The following EXD1 variants were observed in gnomAD, a reference collection of about 807,000 sequenced individuals.
EXD1 encodes the protein piRNA biogenesis protein EXD1.
A neutral mutation model predicts 49.1 loss-of-function variants in EXD1; 63 were observed. The observed-to-expected ratio is 1.28, with a 90% CI of 1.05 to 1.58. The LOEUF is 1.58. Among genes scored for constraint, EXD1 ranks in the 40% most tolerant of loss-of-function variants. The pLI, the probability that EXD1 is intolerant of heterozygous loss-of-function variation, is 0.00. For missense variants in EXD1, 748 were observed against 666.0 expected (o/e 1.12, Z -1.36); for synonymous variants, 234 against 239.2 (o/e 0.98, Z 0.20).
Position 41,216,678 on chromosome 15 carries a change from G to A in EXD1, c.378C>T (p.Tyr126=), listed in dbSNP as rs772539206. 1.9e-5 allele frequency: 30 copies of A among 1,612,720 alleles called. No homozygotes were observed. Among genetic ancestry groups the A allele is most frequent in the Non-Finnish European group, 2.5e-5 (29 of 1,179,904 alleles). The change falls in exon 5 of 12, where the codon TAC becomes TAT. Residue 126 remains tyrosine, a synonymous_variant. Coordinates refer to ENST00000458580, the MANE Select transcript of EXD1 (RefSeq NM_001286441.2). ...PATSLLNDLK[Y]SPSEEEEVTY... ...AGCCCCTATATTCACCTGATGGGCT[G>A]TACTTGAGGTCATTCAGCAGAGAGG...
chr15:41,220,844 T>G (rs2047077527), intron 2 of EXD1, among the ~76,000 whole-genome samples: 1 of 152,212 alleles, frequency 6.6e-6, no homozygotes. Context: ...ACAACTTATT[T>G]GTCACATCCA....
chr15:41,223,449 G>A (rs1157988236), intron 2 of EXD1, among the ~76,000 whole-genome samples: 4 of 151,830 alleles, frequency 2.6e-5, no homozygotes, highest in African/African-American at 4.8e-5. Flanking sequence ...GGCTGGGTGT[G>A]GTGGCTCATG....
chr15:41,225,781 G>C (rs1181034140), intron 2 of EXD1, among the ~76,000 whole-genome samples: 2 of 151,812 alleles, frequency 1.3e-5, no homozygotes, highest in Non-Finnish European at 2.9e-5. Flanking sequence ...CCAGCCACTC[G>C]GGAGGCTGAG....
At chr15:41,188,015 C>CAAA (rs11321304) in intron 11 of EXD1, among the ~76,000 whole-genome samples, 2 of 111,658 alleles carry the variant, frequency 1.8e-5, no homozygotes, top group African/African-American at 3.3e-5. Context: ...AACCCCGTCT[C>CAAA]AAAAAAAAAA....
chr15:41,207,206 A>G (rs1293584372), intron 7 of EXD1, among the ~76,000 whole-genome samples: 2 of 149,860 alleles, frequency 1.3e-5, no homozygotes, highest in African/African-American at 4.9e-5. Context: ...GTGCCATTGC[A>G]CTCTAGCCTG....
At chr15:41,199,732 T>TATATAGC (rs1566980628) in intron 7 of EXD1, among the ~76,000 whole-genome samples, 1 of 78,842 alleles carries the variant, frequency 1.3e-5, no homozygotes, top group African/African-American at 5.6e-5. Context: ...TTATATATGA[T>TATATAGC]ATATATGTCA....
chr15:41,199,706 T>C (rs1215124652), intron 7 of EXD1, among the ~76,000 whole-genome samples: 3 of 95,448 alleles, frequency 3.1e-5, no homozygotes, highest in African/African-American at 1.3e-4. Flanking sequence ...ATTACATATA[T>C]CATATATATG....
intron 2 of EXD1, among the ~76,000 whole-genome samples, 198 bp downstream of exon 2, chr15:41,226,245 C>G (rs2047163314): frequency 6.6e-6 from 1 of 151,582 alleles, no homozygotes; most frequent in African/African-American, 2.4e-5. Flanking sequence ...GAGCGAGACT[C>G]CATCTCAAAA....
Position 41,191,537 on chromosome 15 carries a change from T to A in EXD1, c.769A>T (p.Asn257Tyr). The change falls in exon 10 of 12, where the codon AAC (asparagine) becomes TAC (tyrosine). Residue 257 changes from asparagine to tyrosine, a missense_variant. Physicochemically the swap from Asn to Tyr is moderately radical, Grantham distance 143. Coordinates refer to ENST00000458580, the MANE Select transcript of EXD1 (RefSeq NM_001286441.2). ...CTCTCCTGCAAAGTAGTGATGCAGT[T>A]TGGAAGATAGCCACCCGTTTCCATG... ...FSMETGGYLPNCITTLQESLI... is the reference protein window; with the variant it reads ...FSMETGGYLPYCITTLQESLI... 6.2e-7 allele frequency: 1 copy of A among 1,614,102 alleles called. No homozygotes were observed. Among genetic ancestry groups the A allele is most frequent in the East Asian group, 2.2e-5 (1 of 44,872 alleles).
At chr15:41,214,500 G>A (rs2046971625) in intron 6 of EXD1, among the ~76,000 whole-genome samples, 2 of 147,482 alleles carry the variant, frequency 1.4e-5, no homozygotes, top group East Asian at 2.0e-4. Flanking sequence ...GCCACAAGGC[G>A]AGACTCCATC....
chr15:41,199,732 T>TATATC lies in EXD1; in HGVS notation c.535-3696_535-3695insGATAT, dbSNP rs1566980624. ...CATATATATGATATATTATATATGATATATATGTCATATATTATATATGAT... is the reference window on the plus strand; with the variant it reads ...CATATATATGATATATTATATATGATATATCATATATGTCATATATTATATATGAT... On this transcript the variant is annotated intron_variant, in intron 7 of 11. Coordinates refer to ENST00000458580, the MANE Select transcript of EXD1 (RefSeq NM_001286441.2). 1.2e-3 allele frequency among the ~76,000 whole-genome samples: 91 copies of TATATC among 78,814 alleles called. 3 individuals carry two copies. The highest frequency in any genetic ancestry group is 0.011 in the East Asian group (28 of 2,610). The allele number at this position is 78,814 out of a possible 152,430, so 51.7% of individuals were successfully genotyped here.
chr15:41,202,531 G>A (rs551084823), intron 7 of EXD1, among the ~76,000 whole-genome samples: 2 of 151,856 alleles, frequency 1.3e-5, no homozygotes, highest in African/African-American at 2.4e-5. Context: ...ATGCAGTGGC[G>A]CAGCCATAGC....
intron 6 of EXD1, among the ~76,000 whole-genome samples, chr15:41,214,083 C>T (rs2046963212): frequency 6.6e-6 from 1 of 152,052 alleles, no homozygotes; most frequent in East Asian, 1.9e-4. Flanking sequence ...AGGAGAATGG[C>T]GTGAACCCGG....
At chr15:41,227,412 G>A (rs1029984794) in intron 1 of EXD1, among the ~76,000 whole-genome samples, 3 of 152,308 alleles carry the variant, frequency 2.0e-5, no homozygotes, top group African/African-American at 4.8e-5. Context: ...GCTCATGCCT[G>A]TAATCCCACC....
intron 4 of EXD1, 96 bp downstream of exon 4, chr15:41,217,001 C>T: frequency 7.5e-7 from 1 of 1,324,784 alleles, no homozygotes; most frequent in East Asian, 2.3e-5. Flanking sequence ...TTCCTTATGC[C>T]AAGGAATTAA....
At chr15:41,216,491 C>T (rs142355528) in intron 5 of EXD1, among the ~76,000 whole-genome samples, 177 bp downstream of exon 5, 8 of 152,106 alleles carry the variant, frequency 5.3e-5, no homozygotes, top group Admixed American at 2.6e-4. Context: ...ATTAGCTGGG[C>T]GTGGTGGCAC....
intron 11 of EXD1, among the ~76,000 whole-genome samples, chr15:41,185,281 A>G (rs1184141728): frequency 1.3e-5 from 2 of 151,810 alleles, no homozygotes; most frequent in Non-Finnish European, 2.9e-5. Flanking sequence ...ATTGGATTAC[A>G]TTTTTATTTT....
At chr15:41,230,137 G>A (rs1303914470) in intron 1 of EXD1, among the ~76,000 whole-genome samples, 1 of 146,854 alleles carries the variant, frequency 6.8e-6, no homozygotes, top group African/African-American at 2.6e-5. Flanking sequence ...AGGCTGGAGA[G>A]CAATGCCGCG....
intron 7 of EXD1, among the ~76,000 whole-genome samples, chr15:41,204,407 C>T (rs577412251): frequency 8.6e-5 from 13 of 151,874 alleles, no homozygotes; most frequent in East Asian, 3.9e-4. Flanking sequence ...AAAAATTAGC[C>T]GGGCATGGTG....
Sources: gnomAD v4.1 joint callset for allele counts (sites outside exome capture counted in the v4.1 genomes callset) on GRCh38, gnomAD v4.1.1 for gene constraint, MANE v1.5 for transcripts, NCBI Gene and HGNC (gene_info 2026-07-23, HGNC 2026-07-21) for gene names.